ELMO1: variants seen among roughly 807,000 people sequenced by gnomAD.
ELMO1 encodes the protein engulfment and cell motility protein 1.
Under a neutral mutation model 98.9 loss-of-function variants are expected in ELMO1, and 26 were observed. That is an observed-to-expected ratio of 0.26 (90% CI 0.19 to 0.36). The LOEUF (loss-of-function observed/expected upper bound fraction) is 0.36. ELMO1 is among the 10% of genes least tolerant of loss of function. ELMO1 has a pLI of 1.00. For synonymous variants in ELMO1, 346 were observed against 346.0 expected (o/e 1.00, Z 0.00); for missense variants, 627 against 935.2 (o/e 0.67, Z 4.30).
intron 13 of ELMO1, among the ~76,000 whole-genome samples, chr7:37,170,516 A>T (rs1378003271): frequency 6.6e-6 from 1 of 152,158 alleles, no homozygotes; most frequent in Non-Finnish European, 1.5e-5. Flanking sequence ...TTGCAGTGGT[A>T]AACAGCTTAA....
chr7:37,446,350 CAGGGAGTAAA>C (rs1562697705), intron 1 of ELMO1, among the ~76,000 whole-genome samples: 1 of 152,134 alleles, frequency 6.6e-6, no homozygotes, highest in Non-Finnish European at 1.5e-5. Flanking sequence ...TGTATAATGC[CAGGGAGTAAA>C]AGGTACTAAG....
At chr7:37,042,599 C>T (rs1441914629) in intron 15 of ELMO1, among the ~76,000 whole-genome samples, 1 of 152,126 alleles carries the variant, frequency 6.6e-6, no homozygotes, top group East Asian at 1.9e-4. Context: ...CAGGCTCTAT[C>T]AGAAGACAGT....
chr7:37,155,221 C>A (rs1272323290), intron 13 of ELMO1, among the ~76,000 whole-genome samples: 1 of 152,126 alleles, frequency 6.6e-6, no homozygotes, highest in African/African-American at 2.4e-5. Flanking sequence ...ATTGTAAAGA[C>A]CACTGATGCT....
At chr7:37,188,501 A>AAATAAAAAT (rs1791377545) in intron 13 of ELMO1, among the ~76,000 whole-genome samples, 1 of 125,960 alleles carries the variant, frequency 7.9e-6, no homozygotes, top group African/African-American at 3.0e-5. Context: ...AAAAAAAAAA[A>AAATAAAAAT]AATAATAATA....
chr7:37,123,155 T>C (rs551964664), intron 14 of ELMO1, among the ~76,000 whole-genome samples: 14 of 152,340 alleles, frequency 9.2e-5, no homozygotes, highest in Non-Finnish European at 1.9e-4. Flanking sequence ...GGGAAATTTA[T>C]AGCAATAAAT....
chr7:37,086,674 CG>C (rs1317514783), intron 15 of ELMO1, among the ~76,000 whole-genome samples: 1 of 131,974 alleles, frequency 7.6e-6, no homozygotes, highest in Non-Finnish European at 1.6e-5. Flanking sequence ...ACCCAGGAGG[CG>C]GAGGTTGCAG....
chr7:37,399,436 T>C (rs867519690), intron 1 of ELMO1, among the ~76,000 whole-genome samples: 8 of 152,300 alleles, frequency 5.3e-5, no homozygotes, highest in Middle Eastern at 6.8e-3. Context: ...CAGGAAGCCC[T>C]GGGCATAGCC....
chr7:37,174,074 C>T (rs111644250), intron 13 of ELMO1, among the ~76,000 whole-genome samples: 2 of 152,198 alleles, frequency 1.3e-5, no homozygotes, highest in Non-Finnish European at 2.9e-5. Flanking sequence ...AATTCCTTAA[C>T]GTATTAAATG....
chr7:36,918,450 G>A (rs1308804344), intron 16 of ELMO1, among the ~76,000 whole-genome samples: 1 of 152,176 alleles, frequency 6.6e-6, no homozygotes, highest in Non-Finnish European at 1.5e-5. Flanking sequence ...TCAGATATGA[G>A]TGTAGAAGGC....
intron 4 of ELMO1, among the ~76,000 whole-genome samples, chr7:37,306,967 G>A (rs2131054860): frequency 6.6e-6 from 1 of 152,164 alleles, no homozygotes; most frequent in South Asian, 2.1e-4. Flanking sequence ...TCTTCACACA[G>A]GACCCCTTCT....
intron 2 of ELMO1, among the ~76,000 whole-genome samples, chr7:37,318,587 G>A (rs1446367686): frequency 6.6e-6 from 1 of 152,178 alleles, no homozygotes; most frequent in Non-Finnish European, 1.5e-5. Flanking sequence ...AGAACATAAT[G>A]AAGTTGGATA....
intron 4 of ELMO1, among the ~76,000 whole-genome samples, chr7:37,287,010 C>G (rs1266488394): frequency 2.6e-5 from 4 of 151,894 alleles, no homozygotes; most frequent in Admixed American, 2.6e-4. Flanking sequence ...CTGGCCAATA[C>G]GGTGAAACCC....
chr7:37,152,663 G>A (rs113716293), intron 13 of ELMO1, among the ~76,000 whole-genome samples: 16 of 152,266 alleles, frequency 1.1e-4, no homozygotes, highest in African/African-American at 3.9e-4. Context: ...CTAACACTCA[G>A]CACCGGAAAG....
At chr7:37,321,946 A>C (rs1420976886) in intron 2 of ELMO1, among the ~76,000 whole-genome samples, 2 of 129,616 alleles carry the variant, frequency 1.5e-5, no homozygotes, top group South Asian at 2.5e-4. Context: ...CAACCTCCCC[A>C]CCTCCCGAGT....
At chr7:37,222,311 G>A (rs776261494) in intron 10 of ELMO1, among the ~76,000 whole-genome samples, 24 of 152,286 alleles carry the variant, frequency 1.6e-4, no homozygotes, top group African/African-American at 4.8e-4. Context: ...CCACAGCAGC[G>A]TTTTCATCTT....
intron 4 of ELMO1, among the ~76,000 whole-genome samples, chr7:37,272,287 G>A (rs772849646): frequency 6.6e-6 from 1 of 152,106 alleles, no homozygotes; most frequent in African/African-American, 2.4e-5. Context: ...TAGCCAAAAC[G>A]TAGAAACAAT....
intron 13 of ELMO1, among the ~76,000 whole-genome samples, chr7:37,202,046 A>G (rs1792328513): frequency 6.6e-6 from 1 of 152,168 alleles, no homozygotes; most frequent in African/African-American, 2.4e-5. Context: ...GGTCTGGTGG[A>G]CTGGCTAGGA....
At chr7:37,179,453 A>AT (rs1469593214) in intron 13 of ELMO1, among the ~76,000 whole-genome samples, 4 of 151,852 alleles carry the variant, frequency 2.6e-5, no homozygotes, top group African/African-American at 9.7e-5. Flanking sequence ...AATTTTTTGT[A>AT]TTTTTAGTAG....
At chr7:36,906,041 T>G (rs979833531) in intron 16 of ELMO1, among the ~76,000 whole-genome samples, 5 of 152,232 alleles carry the variant, frequency 3.3e-5, no homozygotes, top group Non-Finnish European at 7.3e-5. Context: ...CTAAGCAGAC[T>G]GCTCAAGCAA....
Sources: allele counts gnomAD v4.1 joint callset (sites outside exome capture counted in the v4.1 genomes callset), GRCh38; gene constraint gnomAD v4.1.1; transcripts MANE v1.5; gene names NCBI Gene and HGNC (gene_info 2026-07-23, HGNC 2026-07-21).